The following ITGB5 variants were observed in gnomAD, a reference collection of about 807,000 sequenced individuals.
ITGB5 encodes integrin beta-5.
Under a neutral mutation model 84.8 loss-of-function variants are expected in ITGB5, and 38 were observed. The observed-to-expected ratio is 0.45, with a 90% CI of 0.35 to 0.59. The LOEUF (loss-of-function observed/expected upper bound fraction) is 0.59, where lower values mean the gene tolerates loss of function less well. Among genes scored for constraint, ITGB5 ranks in the 20% least tolerant of loss-of-function variants. The pLI, the probability that ITGB5 is intolerant of heterozygous loss-of-function variation, is 0.01. For synonymous variants in ITGB5, 393 were observed against 414.4 expected (o/e 0.95, Z 0.63); for missense variants, 905 against 1,034.5 (o/e 0.87, Z 1.72).
At position 124,859,257 on chromosome 3, in the gene ITGB5, C is replaced by T; in HGVS notation, c.346G>A (p.Val116Met). 5 of 1,613,920 alleles carry T rather than the reference C, an allele frequency of 3.1e-6. No homozygotes were observed. Among genetic ancestry groups the T allele is most frequent in the Non-Finnish European group, 4.2e-6 (5 of 1,179,922 alleles). The change falls in exon 3 of 15, where the codon GTG (valine) becomes ATG (methionine). Residue 116 changes from valine (V) to methionine (M), a missense_variant. Coordinates refer to ENST00000296181, the MANE Select transcript of ITGB5 (RefSeq NM_002213.5). ...GGCAACTCACCGGGCCGGAGGTTCA[C>T]GGCAATCTCCTGTGGTGTCATCTGA... ...VIQMTPQEIA[V>M]NLRPGDKTTF...
intron 2 of ITGB5, among the ~76,000 whole-genome samples, chr3:124,869,099 T>C (rs1045831483): frequency 6.6e-6 from 1 of 152,196 alleles, no homozygotes; most frequent in Non-Finnish European, 1.5e-5. Flanking sequence ...CCCCATGGAA[T>C]GTACCATGGG....
intron 8 of ITGB5, among the ~76,000 whole-genome samples, chr3:124,816,070 A>C (rs9859749): frequency 0.034 from 5,252 of 152,240 alleles, 134 homozygotes; most frequent in African/African-American, 0.067. Context: ...TGAATCTGTG[A>C]GAGCAAGAGG....
Position 124,886,920 on chromosome 3 carries a change from G to C in ITGB5, c.70+11C>G. On this transcript the variant is annotated intron_variant, in intron 1 of 14. Transcript: ENST00000296181. ...AAAGTTTCTCTGGGCGCCGTGGGCG[G>C]CGCGGCTTACCTGCGAGCCGGGGCA... The C allele has an allele frequency of 8.3e-7, 1 of 1,211,836 alleles. No homozygotes were observed. The highest frequency in any genetic ancestry group is 1.0e-6 in the Non-Finnish European group (1 of 974,848). The allele number at this position is 1,211,836 out of a possible 1,614,324, so 75.1% of individuals were successfully genotyped here.
chr3:124,804,343 G>C (rs1297078309), intron 9 of ITGB5, among the ~76,000 whole-genome samples: 1 of 152,068 alleles, frequency 6.6e-6, no homozygotes, highest in Non-Finnish European at 1.5e-5. Context: ...GGGCAACATA[G>C]CAAGACTCTG....
intron 10 of ITGB5, among the ~76,000 whole-genome samples, chr3:124,774,307 A>C (rs1049665133): frequency 6.6e-6 from 1 of 152,318 alleles, no homozygotes; most frequent in Admixed American, 6.5e-5. Flanking sequence ...GATTAAGTTA[A>C]GGATTTTGAG....
chr3:124,808,987 A>G, intron 9 of ITGB5, 35 bp downstream of exon 9: 1 of 1,606,560 alleles, frequency 6.2e-7, no homozygotes, highest in Non-Finnish European at 8.5e-7. Context: ...GACCAATGCT[A>G]ACAAGAGTTC....
chr3:124,774,000 A>T, intron 10 of ITGB5, 88 bp from the exon 11 acceptor site: 1 of 1,220,480 alleles, frequency 8.2e-7, no homozygotes, highest in Non-Finnish European at 1.2e-6. Flanking sequence ...CAGGACTGGG[A>T]TTCAGCAGAG....
chr3:124,812,282 T>C (rs1228120469), intron 8 of ITGB5, among the ~76,000 whole-genome samples: 1 of 152,224 alleles, frequency 6.6e-6, no homozygotes, highest in Non-Finnish European at 1.5e-5. Context: ...GGTGCACTCC[T>C]TAGTTCTCCA....
At chr3:124,837,673 G>T (rs2064953605) in intron 5 of ITGB5, among the ~76,000 whole-genome samples, 1 of 152,182 alleles carries the variant, frequency 6.6e-6, no homozygotes, top group African/African-American at 2.4e-5. Flanking sequence ...CACAGAGGTG[G>T]ATTTAAAGTC....
At chr3:124,775,551 G>C (rs1012722606) in intron 10 of ITGB5, among the ~76,000 whole-genome samples, 1 of 152,078 alleles carries the variant, frequency 6.6e-6, no homozygotes, top group Non-Finnish European at 1.5e-5. Flanking sequence ...GCTACAATTG[G>C]TATTTTTTAA....
intron 4 of ITGB5, among the ~76,000 whole-genome samples, chr3:124,843,209 G>A (rs1314227706): frequency 1.3e-5 from 2 of 152,140 alleles, no homozygotes; most frequent in East Asian, 3.8e-4. Flanking sequence ...CTGGAAGAAG[G>A]AACTGAGGTC....
At chr3:124,835,179 C>T (rs573227866) in intron 5 of ITGB5, among the ~76,000 whole-genome samples, 40 of 151,244 alleles carry the variant, frequency 2.6e-4, no homozygotes, top group East Asian at 2.1e-3. Context: ...GCCCTGTTCA[C>T]GATACTGAGT....
chr3:124,806,574 C>T (rs994246479), intron 9 of ITGB5, among the ~76,000 whole-genome samples: 1 of 151,810 alleles, frequency 6.6e-6, no homozygotes, highest in East Asian at 1.9e-4. Context: ...GCTGGGACTA[C>T]AGGTACCCGC....
chr3:124,858,109 G>T (rs559246710), intron 3 of ITGB5, among the ~76,000 whole-genome samples: 5 of 150,004 alleles, frequency 3.3e-5, no homozygotes, highest in Non-Finnish European at 7.4e-5. Context: ...ACTCCAGCCT[G>T]GGTGACAGAG....
chr3:124,891,542 C>G (rs751102081), upstream of ITGB5, among the ~76,000 whole-genome samples: 1 of 147,072 alleles, frequency 6.8e-6, no homozygotes, highest in Non-Finnish European at 1.5e-5. Flanking sequence ...CAAGTTGGAG[C>G]CCTGTAGCTG....
chr3:124,894,134 C>CTTTTTTTTTTTTTTTTTT lies in ITGB5; in HGVS notation c.-255+7114_-255+7131dup, dbSNP rs748784158. On this transcript the variant is annotated intron_variant, in intron 1 of 4. Transcript: ENST00000608657. The stretch of plus-strand genomic sequence containing the variant: ...TTATAGTAAAAGTTGTGATATTTTT[C>CTTTTTTTTTTTTTTTTTT]TTTTTTTTTTTTTTTTTTGAGACAG... Among the ~76,000 whole-genome samples the CTTTTTTTTTTTTTTTTTT allele has an allele frequency of 5.1e-4, 53 of 104,354 alleles. 8 individuals carry two copies. The highest frequency in any genetic ancestry group is 1.6e-3 in the East Asian group (5 of 3,092). The allele number at this position is 104,354 out of a possible 152,430, so 68.5% of individuals were successfully genotyped here.
Position 124,848,501 on chromosome 3 carries a change from A to G in ITGB5, c.419T>C (p.Leu140Pro), listed in dbSNP as rs1161337755. 3 of 1,614,012 alleles carry G rather than the reference A, an allele frequency of 1.9e-6. No homozygotes were observed. Among genetic ancestry groups the G allele is most frequent in the Non-Finnish European group, 2.5e-6 (3 of 1,180,022 alleles). The change falls in exon 4 of 15, where the codon CTG (leucine) becomes CCG (proline). Residue 140 changes from leucine (L) to proline (P), a missense_variant. This residue lies in a region of ITGB5 where 656 missense variants were observed against 734.7 expected (regional missense o/e 0.89). Coordinates refer to ENST00000296181, the MANE Select transcript of ITGB5 (RefSeq NM_002213.5). ...CAGGGAGAGGTCCATCAGGTAGTAC[A>G]GGTCCACAGGATAGTCCTCCACCTG... ...VRQVEDYPVDLYYLMDLSLSM... is the reference protein window; with the variant it reads ...VRQVEDYPVDPYYLMDLSLSM...
chr3:124,823,440 G>A (rs2107564025), intron 5 of ITGB5, among the ~76,000 whole-genome samples: 1 of 151,896 alleles, frequency 6.6e-6, no homozygotes, highest in South Asian at 2.1e-4. Flanking sequence ...AACCTGGAGT[G>A]AGAAGCCTAG....
At chr3:124,808,969 A>C (rs1429198662) in intron 9 of ITGB5, 53 bp downstream of exon 9, 3 of 1,579,856 alleles carry the variant, frequency 1.9e-6, no homozygotes, top group Admixed American at 3.7e-5. Flanking sequence ...TAGAACCCAA[A>C]GACTGATGAC....
Sources: allele counts gnomAD v4.1 joint callset (sites outside exome capture counted in the v4.1 genomes callset), GRCh38; gene constraint gnomAD v4.1.1; regional missense constraint gnomAD v4.1.1; transcripts MANE v1.5; gene names NCBI Gene and HGNC (gene_info 2026-07-23, HGNC 2026-07-21).